Variants in AUTS2 observed in about 807,000 individuals in gnomAD.
AUTS2 encodes the protein autism susceptibility gene 2 protein.
Under a neutral mutation model 112.4 loss-of-function variants are expected in AUTS2, and 17 were observed. The ratio of observed to expected loss-of-function variants is 0.15; its 90% CI spans 0.10 to 0.23. The LOEUF is 0.23. Among genes scored for constraint, AUTS2 ranks in the 10% least tolerant of loss-of-function variants. The probability of loss-of-function intolerance (pLI) is 1.00; values close to 1 mark genes in which losing one functional copy is unlikely to be tolerated. For synonymous variants in AUTS2, 751 were observed against 702.7 expected (o/e 1.07, Z -1.09); for missense variants, 1,510 against 1,701.6 (o/e 0.89, Z 1.98).
chr7:70,021,566 C>T (rs1800276567), intron 2 of AUTS2, among the ~76,000 whole-genome samples: 1 of 152,094 alleles, frequency 6.6e-6, no homozygotes, highest in Admixed American at 6.5e-5. Flanking sequence ...GACAGCAGCA[C>T]ACCCTTCACA....
chr7:69,643,992 A>G (rs910000249), intron 1 of AUTS2, among the ~76,000 whole-genome samples: 1 of 152,200 alleles, frequency 6.6e-6, no homozygotes, highest in African/African-American at 2.4e-5. Flanking sequence ...ATTCAATTTA[A>G]AAAAGAGAAA....
chr7:69,723,082 C>G lies in AUTS2; in HGVS notation c.309+123120C>G, dbSNP rs77242136. Among the ~76,000 whole-genome samples the G allele has an allele frequency of 3.0e-3, 451 of 152,234 alleles. 2 individuals carry two copies. The highest frequency in any genetic ancestry group is 0.01 in the African/African-American group (428 of 41,550). Reference sequence around the variant, plus strand: ...GTTGTACGTGCAGCTGCATATTAACCTGCAGGTCATAGCAGTCCCTGATCC... The same window carrying G: ...GTTGTACGTGCAGCTGCATATTAACGTGCAGGTCATAGCAGTCCCTGATCC... On this transcript the variant is annotated intron_variant, in intron 1 of 18. Coordinates refer to ENST00000342771, the MANE Select transcript of AUTS2 (RefSeq NM_015570.4).
intron 5 of AUTS2, among the ~76,000 whole-genome samples, chr7:70,452,615 G>A (rs1207966302): frequency 6.6e-6 from 1 of 152,088 alleles, no homozygotes; most frequent in Non-Finnish European, 1.5e-5. Context: ...AGCCAAATCA[G>A]CACCCCAGGA....
intron 1 of AUTS2, among the ~76,000 whole-genome samples, chr7:69,736,833 C>T (rs945320969): frequency 3.9e-5 from 6 of 152,084 alleles, no homozygotes; most frequent in Admixed American, 6.6e-5. Flanking sequence ...TTACCCTGGA[C>T]GAGAGACTTC....
intron 3 of AUTS2, among the ~76,000 whole-genome samples, chr7:70,127,468 T>C (rs913977691): frequency 1.3e-5 from 2 of 152,154 alleles, no homozygotes; most frequent in African/African-American, 4.8e-5. Context: ...TCTTTCTTTG[T>C]TTTTCTTTTC....
intron 5 of AUTS2, among the ~76,000 whole-genome samples, chr7:70,654,726 C>T (rs561228317): frequency 2.6e-5 from 4 of 152,232 alleles, no homozygotes; most frequent in East Asian, 3.9e-4. Context: ...AAGGTGACTA[C>T]GGTATTTGAT....
At chr7:69,801,674 TATTC>T (rs552284821) in intron 1 of AUTS2, among the ~76,000 whole-genome samples, 1 of 152,200 alleles carries the variant, frequency 6.6e-6, no homozygotes, top group Non-Finnish European at 1.5e-5. Context: ...TTTGTTCATT[TATTC>T]ATTCATTCAA....
chr7:69,729,117 G>A (rs1786660054), intron 1 of AUTS2, among the ~76,000 whole-genome samples: 1 of 151,890 alleles, frequency 6.6e-6, no homozygotes, highest in South Asian at 2.1e-4. Context: ...TTTTTTGTGT[G>A]TGAAGGGTTG....
chr7:70,547,035 TAA>T (rs1470016246), intron 5 of AUTS2, among the ~76,000 whole-genome samples: 1 of 152,224 alleles, frequency 6.6e-6, no homozygotes, highest in South Asian at 2.1e-4. Flanking sequence ...TCACCCGTAC[TAA>T]GTGTATAATT....
chr7:69,935,668 AG>A (rs138997523), intron 2 of AUTS2, among the ~76,000 whole-genome samples: 5,518 of 152,322 alleles, frequency 0.036, 127 homozygotes, highest in Non-Finnish European at 0.056. Context: ...ATAGGGAAAC[AG>A]GGAAGGTAGA....
intron 5 of AUTS2, among the ~76,000 whole-genome samples, chr7:70,496,256 C>A (rs1356435480): frequency 7.3e-5 from 9 of 123,248 alleles, no homozygotes; most frequent in Admixed American, 2.8e-4. Flanking sequence ...CACACACACC[C>A]CACACATGCA....
intron 1 of AUTS2, among the ~76,000 whole-genome samples, chr7:69,892,679 AATCTT>A (rs749260428): frequency 2.0e-5 from 3 of 152,298 alleles, no homozygotes; most frequent in Non-Finnish European, 4.4e-5. Context: ...CATAGTAAGA[AATCTT>A]AGCTTAACCC....
chr7:70,609,891 T>C (rs1175669398), intron 5 of AUTS2, among the ~76,000 whole-genome samples: 1 of 152,240 alleles, frequency 6.6e-6, no homozygotes. Context: ...CTCTTCAACA[T>C]ATTGATCTTA....
rs370725421 is a variant in AUTS2 at position 70,772,689 on chromosome 7, A to G, written c.1830+1045A>G. 2.4e-4 allele frequency among the ~76,000 whole-genome samples: 37 copies of G among 152,366 alleles called. No individual in the cohort carries two copies. The East Asian group carries it at 6.8e-3, about 28-fold the overall frequency. On this transcript the variant is annotated intron_variant, in intron 11 of 18. Transcript: ENST00000342771. ...CCCCCTTCAAAATCACCTGCATTGAATTGCATTGAATTCAGTTCATCTATT... is the reference window on the plus strand; with the variant it reads ...CCCCCTTCAAAATCACCTGCATTGAGTTGCATTGAATTCAGTTCATCTATT...
chr7:70,126,392 G>A (rs1303221312), intron 3 of AUTS2, among the ~76,000 whole-genome samples: 1 of 152,124 alleles, frequency 6.6e-6, no homozygotes, highest in Non-Finnish European at 1.5e-5. Flanking sequence ...CTGGGTGACA[G>A]AGTGAGACTC....
At chr7:70,559,362 T>C (rs1455219814) in intron 5 of AUTS2, among the ~76,000 whole-genome samples, 2 of 149,868 alleles carry the variant, frequency 1.3e-5, no homozygotes, top group Non-Finnish European at 3.0e-5. Flanking sequence ...TGAGGCGGAG[T>C]CTTGCTCTGT....
chr7:69,614,306 C>T (rs987962854), intron 1 of AUTS2, among the ~76,000 whole-genome samples: 3 of 107,104 alleles, frequency 2.8e-5, no homozygotes, highest in East Asian at 6.2e-4. Context: ...TCAAGAGTCA[C>T]TCTCCGTCTC....
chr7:69,803,091 G>A (rs1377251142), intron 1 of AUTS2, among the ~76,000 whole-genome samples: 1 of 152,190 alleles, frequency 6.6e-6, no homozygotes, highest in Non-Finnish European at 1.5e-5. Context: ...TTCAGCTGTT[G>A]TTACTGGACT....
At chr7:70,320,268 A>T (rs1276632721) in intron 4 of AUTS2, among the ~76,000 whole-genome samples, 1 of 152,188 alleles carries the variant, frequency 6.6e-6, no homozygotes, top group African/African-American at 2.4e-5. Flanking sequence ...TCTTCATGCC[A>T]CCCCAGTATC....
Sources: allele counts gnomAD v4.1 joint callset (sites outside exome capture counted in the v4.1 genomes callset), GRCh38; gene constraint gnomAD v4.1.1; transcripts MANE v1.5; gene names NCBI Gene and HGNC (gene_info 2026-07-23, HGNC 2026-07-21).